Variants in MAN2B2 observed in about 807,000 individuals in gnomAD.
The protein encoded by MAN2B2 is epididymis-specific alpha-mannosidase.
Under a neutral mutation model 117.1 loss-of-function variants are expected in MAN2B2, and 106 were observed. The ratio of observed to expected loss-of-function variants is 0.90; its 90% CI spans 0.77 to 1.06. The LOEUF (loss-of-function observed/expected upper bound fraction) is 1.06. Ranked by LOEUF, MAN2B2 falls within the 50% of genes least tolerant of loss-of-function variation. The pLI, the probability that MAN2B2 is intolerant of heterozygous loss-of-function variation, is 0.00. For synonymous variants in MAN2B2, 544 were observed against 595.1 expected (o/e 0.91, Z 1.25); for missense variants, 1,326 against 1,381.4 (o/e 0.96, Z 0.64).
chr4:6,585,133 A>T (rs1726583108), intron 3 of MAN2B2, among the ~76,000 whole-genome samples: 1 of 151,684 alleles, frequency 6.6e-6, no homozygotes, highest in Non-Finnish European at 1.5e-5. Flanking sequence ...GCTCCCCCTG[A>T]TCCCCTCTCA....
intron 10 of MAN2B2, among the ~76,000 whole-genome samples, chr4:6,603,547 C>T (rs1727417418): frequency 1.3e-5 from 2 of 152,120 alleles, no homozygotes; most frequent in South Asian, 4.1e-4. Context: ...CACACCCCTT[C>T]CCCACTCAGA....
intron 17 of MAN2B2, chr4:6,618,808 A>C (rs1184524789): frequency 6.6e-6 from 1 of 152,212 alleles, no homozygotes; most frequent in Non-Finnish European, 1.5e-5. Flanking sequence ...AATCCAGAGA[A>C]GCCCCAGTAC....
At chr4:6,591,239 C>T (rs1436861928) in intron 5 of MAN2B2, among the ~76,000 whole-genome samples, 5 of 152,204 alleles carry the variant, frequency 3.3e-5, no homozygotes, top group Non-Finnish European at 7.3e-5. Context: ...TCTTGCGGAG[C>T]TGCCTCTTGT....
Position 6,593,220 on chromosome 4 carries a change from A to C in MAN2B2, c.728A>C (p.Gln243Pro), listed in dbSNP as rs2301796. 752,096 of 1,613,296 alleles carry C rather than the reference A, an allele frequency of 0.47. 179,402 individuals carry two copies. Among genetic ancestry groups the C allele is most frequent in the East Asian group, 0.66 (29,522 of 44,808 alleles). ...NGVAVFPKPP[Q>P]DGVYPNMSEP... Reference sequence around the variant, plus strand: ...GTGGCTGTCTTCCCCAAGCCTCCCCAAGATGGGGTGTACCCCAACATGAGT... The same window carrying C: ...GTGGCTGTCTTCCCCAAGCCTCCCCCAGATGGGGTGTACCCCAACATGAGT... The change falls in exon 6 of 19, where the codon CAA (glutamine) becomes CCA (proline). Residue 243 changes from glutamine to proline, a missense_variant. Physicochemically the swap from Gln to Pro is moderately conservative, Grantham distance 76. Coordinates refer to ENST00000285599, the MANE Select transcript of MAN2B2 (RefSeq NM_015274.3).
At chr4:6,597,355 A>G in intron 8 of MAN2B2, 52 bp downstream of exon 8, 1 of 1,469,224 alleles carries the variant, frequency 6.8e-7, no homozygotes, top group Non-Finnish European at 9.1e-7. Flanking sequence ...CATGCTGCGC[A>G]CCTCCCCTCC....
intron 2 of MAN2B2, 92 bp downstream of exon 2, chr4:6,576,816 G>C: frequency 6.7e-7 from 1 of 1,496,440 alleles, no homozygotes; most frequent in Non-Finnish European, 9.2e-7. Context: ...CAGGGCCAGG[G>C]CCAGGCTGGC....
intron 10 of MAN2B2, among the ~76,000 whole-genome samples, chr4:6,603,199 G>C (rs189656925): frequency 6.6e-6 from 1 of 152,212 alleles, no homozygotes; most frequent in Non-Finnish European, 1.5e-5. Flanking sequence ...ACACCACCCA[G>C]ACACCCCACA....
rs1473448279 is a variant in MAN2B2, at chr4:6,575,574, G to C, written c.138+226G>C. 2.6e-5 allele frequency among the ~76,000 whole-genome samples: 4 copies of C among 152,338 alleles called. No homozygotes were observed. The South Asian group carries it at 8.3e-4, about 32-fold the overall frequency. On this transcript the variant is annotated intron_variant, in intron 1 of 18. Coordinates refer to ENST00000285599, the MANE Select transcript of MAN2B2 (RefSeq NM_015274.3). Reference sequence around the variant, plus strand: ...TCTGGAGGGTGGTGCAGATTGGAGGGACCCCTGCATTCCCGGCTGGGGAGG... The same window carrying C: ...TCTGGAGGGTGGTGCAGATTGGAGGCACCCCTGCATTCCCGGCTGGGGAGG...
intron 3 of MAN2B2, among the ~76,000 whole-genome samples, chr4:6,584,545 C>T (rs1577274413): frequency 6.6e-6 from 1 of 152,196 alleles, no homozygotes; most frequent in Non-Finnish European, 1.5e-5. Context: ...GAGAGGGAAA[C>T]GTCTATAAGG....
intron 3 of MAN2B2, among the ~76,000 whole-genome samples, chr4:6,583,978 C>G (rs1256298512): frequency 6.6e-6 from 1 of 152,200 alleles, no homozygotes; most frequent in African/African-American, 2.4e-5. Flanking sequence ...TCAAACTCCG[C>G]CATTTTGTCT....
At chr4:6,605,521 A>T (rs547870241) in intron 11 of MAN2B2, among the ~76,000 whole-genome samples, 192 bp downstream of exon 11, 1 of 151,990 alleles carries the variant, frequency 6.6e-6, no homozygotes, top group Non-Finnish European at 1.5e-5. Flanking sequence ...GCTTTCTTAT[A>T]CTTTTTCATT....
At position 6,598,804 on chromosome 4, in the gene MAN2B2, C is replaced by T. The variant is rs1418106736; in HGVS notation, c.1405+450C>T. Among the ~76,000 whole-genome samples, 5 of 152,314 alleles carry T rather than the reference C, an allele frequency of 3.3e-5. No homozygotes were observed. The East Asian group carries it at 5.8e-4, about 18-fold the overall frequency. On this transcript the variant is annotated intron_variant, in intron 9 of 18. Transcript: ENST00000285599. The stretch of plus-strand genomic sequence containing the variant: ...TGCTGCCCAGCCTTGGCAGAGAGTA[C>T]GCCGGTGTCCTCAGGGGCCCGGTCC...
intron 10 of MAN2B2, 119 bp from the exon 11 acceptor site, chr4:6,604,936 G>A: frequency 1.6e-6 from 2 of 1,224,960 alleles, no homozygotes; most frequent in South Asian, 1.5e-5. Flanking sequence ...GGGCAGGGAG[G>A]AGAAATCGGC....
intron 10 of MAN2B2, 23 bp downstream of exon 10, chr4:6,600,779 G>A: frequency 2.5e-6 from 4 of 1,612,202 alleles, no homozygotes; most frequent in Non-Finnish European, 3.4e-6. Context: ...AATCCTGCTG[G>A]AGGGGCCTTA....
intron 2 of MAN2B2, among the ~76,000 whole-genome samples, chr4:6,577,204 G>A (rs1726098130): frequency 6.6e-6 from 1 of 152,174 alleles, no homozygotes; most frequent in Admixed American, 6.5e-5. Context: ...TGCACAGTGA[G>A]GCAGCCTGGG....
chr4:6,579,337 C>A (rs868180811), intron 3 of MAN2B2, among the ~76,000 whole-genome samples: 1 of 83,186 alleles, frequency 1.2e-5, no homozygotes, highest in Non-Finnish European at 2.6e-5. Context: ...ACCACCACCA[C>A]CACCATCACC....
chr4:6,613,982 G>A (rs1711721721), intron 15 of MAN2B2, among the ~76,000 whole-genome samples: 1 of 152,208 alleles, frequency 6.6e-6, no homozygotes, highest in Non-Finnish European at 1.5e-5. Context: ...TGGTTAGGCT[G>A]AGGAGAGTCA....
chr4:6,619,892 T>C (rs772498757), intron 17 of MAN2B2, 35 bp from the exon 18 acceptor site: 1 of 1,584,520 alleles, frequency 6.3e-7, no homozygotes, highest in South Asian at 1.1e-5. Context: ...TGGAACTTGG[T>C]GCAGCTCACT....
At chr4:6,614,499 G>C in intron 16 of MAN2B2, 144 bp downstream of exon 16, 1 of 1,024,144 alleles carries the variant, frequency 9.8e-7, no homozygotes, top group Non-Finnish European at 1.4e-6. Flanking sequence ...CACATGGGGA[G>C]AGTGAGGCCC....
Sources: gnomAD v4.1 joint callset for allele counts (sites outside exome capture counted in the v4.1 genomes callset) on GRCh38, gnomAD v4.1.1 for gene constraint, MANE v1.5 for transcripts, NCBI Gene and HGNC (gene_info 2026-07-23, HGNC 2026-07-21) for gene names.